Variants in SAMD12 observed in about 807,000 individuals in gnomAD.
The protein encoded by SAMD12 is sterile alpha motif domain-containing protein 12.
Under a neutral mutation model 15.0 loss-of-function variants are expected in SAMD12, and 9 were observed. The ratio of observed to expected loss-of-function variants is 0.60; its 90% CI spans 0.36 to 1.05. The LOEUF (loss-of-function observed/expected upper bound fraction) is 1.05, where lower values mean the gene tolerates loss of function less well. SAMD12 is among the 50% of genes least tolerant of loss of function. The pLI is 0.01. For synonymous variants in SAMD12, 86 were observed against 90.1 expected, an observed-to-expected ratio of 0.96 and a Z score of 0.25; for missense variants, 230 against 234.2, an observed-to-expected ratio of 0.98 and a Z score of 0.12.
At chr8:118,370,811 T>G (rs906394003) in intron 4 of SAMD12, among the ~76,000 whole-genome samples, 2 of 151,982 alleles carry the variant, frequency 1.3e-5, no homozygotes, top group Admixed American at 6.6e-5. Context: ...AGGGAGAGCA[T>G]CAGGAAAAAT....
chr8:118,332,514 TG>T (rs1344066976), intron 4 of SAMD12, among the ~76,000 whole-genome samples: 1 of 152,192 alleles, frequency 6.6e-6, no homozygotes, highest in East Asian at 1.9e-4. Flanking sequence ...GTCACAACAC[TG>T]ATTACTCTTT....
At chr8:118,605,940 T>C (rs1827977544) in intron 1 of SAMD12, among the ~76,000 whole-genome samples, 1 of 151,922 alleles carries the variant, frequency 6.6e-6, no homozygotes. Flanking sequence ...CAACTGGTAC[T>C]GTTAGTTTCT....
At chr8:118,231,700 G>A (rs1175172876) in intron 4 of SAMD12, among the ~76,000 whole-genome samples, 1 of 152,132 alleles carries the variant, frequency 6.6e-6, no homozygotes, top group East Asian at 1.9e-4. Flanking sequence ...AGGCACTGAG[G>A]ATAGAAGGAT....
At chr8:118,525,986 G>A (rs1825527435) in intron 2 of SAMD12, among the ~76,000 whole-genome samples, 1 of 152,148 alleles carries the variant, frequency 6.6e-6, no homozygotes, top group Non-Finnish European at 1.5e-5. Context: ...GAATCTAACT[G>A]TATTTTATTG....
chr8:118,611,978 A>G (rs1486900411), intron 1 of SAMD12, among the ~76,000 whole-genome samples: 1 of 152,128 alleles, frequency 6.6e-6, no homozygotes, highest in Non-Finnish European at 1.5e-5. Flanking sequence ...GTATAAATGG[A>G]CATCCAACGC....
the SAMD12 span, among the ~76,000 whole-genome samples, chr8:118,167,379 G>A: frequency 3.2e-4 from 48 of 152,102 alleles, no homozygotes; most frequent in African/African-American, 1.1e-3. Flanking sequence ...TGGGCCTGGC[G>A]TGTTACAATC....
In SAMD12 at chr8:118,439,785, TG is replaced by T. The variant is rs752073504; in HGVS notation, c.322+46del. ...AGGGTATGGGAAAGGCTATCGTGAC[TG>T]GGAGAAAGAAAAGGAGTGAAATATC... On this transcript the variant is annotated intron_variant, in intron 3 of 3. Transcript: ENST00000314727. 1.2e-5 allele frequency: 19 copies of T among 1,593,592 alleles called. No homozygotes were observed. The East Asian group carries it at 4.2e-4, about 36-fold the overall frequency.
chr8:118,303,916 T>A (rs1815175923), intron 4 of SAMD12, among the ~76,000 whole-genome samples: 1 of 152,208 alleles, frequency 6.6e-6, no homozygotes, highest in Non-Finnish European at 1.5e-5. Context: ...CATTGTTGGC[T>A]ATAAAAGCCC....
intron 4 of SAMD12, among the ~76,000 whole-genome samples, chr8:118,221,006 C>T (rs866415598): frequency 6.6e-6 from 1 of 151,574 alleles, no homozygotes; most frequent in African/African-American, 2.4e-5. Context: ...GAATTATTTG[C>T]GTATGATTTC....
intron 4 of SAMD12, among the ~76,000 whole-genome samples, chr8:118,333,277 A>C (rs12542731): frequency 0.068 from 10,367 of 152,146 alleles, 671 homozygotes; most frequent in African/African-American, 0.15. Context: ...TTATGCGACA[A>C]AATAAGTTGA....
At chr8:118,552,018 A>C (rs1301897792) in intron 2 of SAMD12, among the ~76,000 whole-genome samples, 2 of 151,628 alleles carry the variant, frequency 1.3e-5, no homozygotes, top group African/African-American at 4.8e-5. Context: ...CAGGAGCTGA[A>C]ATTGTGGCAA....
intron 2 of SAMD12, among the ~76,000 whole-genome samples, chr8:118,545,719 T>C (rs1192341379): frequency 6.6e-6 from 1 of 152,182 alleles, no homozygotes; most frequent in East Asian, 1.9e-4. Flanking sequence ...GAAATCATAA[T>C]ATGCAAGCAA....
chr8:118,327,194 T>C (rs1223883005), intron 4 of SAMD12, among the ~76,000 whole-genome samples: 1 of 152,204 alleles, frequency 6.6e-6, no homozygotes, highest in Admixed American at 6.5e-5. Flanking sequence ...GTGTGTTTTT[T>C]AAACGACCTC....
chr8:118,481,302 T>A (rs1004828736), intron 2 of SAMD12, among the ~76,000 whole-genome samples: 1 of 152,110 alleles, frequency 6.6e-6, no homozygotes, highest in African/African-American at 2.4e-5. Context: ...GTTTACAGCA[T>A]ATAAAACACA....
At chr8:118,279,190 G>A (rs1191395037) in intron 4 of SAMD12, among the ~76,000 whole-genome samples, 2 of 152,104 alleles carry the variant, frequency 1.3e-5, no homozygotes, top group Non-Finnish European at 2.9e-5. Context: ...TGGTCAAAAA[G>A]CTCAATTGCT....
intron 4 of SAMD12, among the ~76,000 whole-genome samples, chr8:118,265,887 T>A (rs1001145373): frequency 6.6e-6 from 1 of 152,042 alleles, no homozygotes; most frequent in Non-Finnish European, 1.5e-5. Context: ...TATCCAAGAC[T>A]GTACGACATC....
At chr8:118,242,348 C>T (rs1812591763) in intron 4 of SAMD12, among the ~76,000 whole-genome samples, 1 of 152,098 alleles carries the variant, frequency 6.6e-6, no homozygotes, top group Non-Finnish European at 1.5e-5. Flanking sequence ...TCTTGAATCA[C>T]AAGAAAATCA....
chr8:118,527,822 A>C (rs761462930), intron 2 of SAMD12, among the ~76,000 whole-genome samples: 39 of 152,294 alleles, frequency 2.6e-4, no homozygotes, highest in Non-Finnish European at 4.4e-4. Context: ...TGAGCACGAT[A>C]ATTTGACATT....
chr8:118,435,310 CTATTT>C (rs1822548889), intron 3 of SAMD12, among the ~76,000 whole-genome samples: 1 of 152,044 alleles, frequency 6.6e-6, no homozygotes, highest in Non-Finnish European at 1.5e-5. Context: ...ATTAATCGTT[CTATTT>C]TATCATTAGT....
Sources: gnomAD v4.1 joint callset for allele counts (sites outside exome capture counted in the v4.1 genomes callset) on GRCh38, gnomAD v4.1.1 for gene constraint, MANE v1.5 for transcripts, NCBI Gene and HGNC (gene_info 2026-07-23, HGNC 2026-07-21) for gene names.